The following ALPK1 variants were observed in gnomAD, a reference collection of about 807,000 sequenced individuals.
The protein encoded by ALPK1 is alpha kinase 1.
A neutral mutation model predicts 120.6 loss-of-function variants in ALPK1; 110 were observed. The observed-to-expected ratio is 0.91, with a 90% CI of 0.78 to 1.07. ALPK1 has a LOEUF of 1.07. Ranked by LOEUF, ALPK1 falls within the 50% of genes least tolerant of loss-of-function variation. The pLI is 0.00. For synonymous variants in ALPK1, 582 were observed against 560.3 expected (o/e 1.04, Z -0.55); for missense variants, 1,498 against 1,483.9 (o/e 1.01, Z -0.16).
intron 2 of ALPK1, chr4:112,357,288 C>A: frequency 9.3e-7 from 1 of 1,076,788 alleles, no homozygotes; most frequent in Non-Finnish European, 1.4e-6. Context: ...GCCAACACAG[C>A]CGGACTGCAG....
At chr4:112,362,493 C>T (rs1730957873) in intron 2 of ALPK1, among the ~76,000 whole-genome samples, 1 of 152,024 alleles carries the variant, frequency 6.6e-6, no homozygotes, top group Non-Finnish European at 1.5e-5. Flanking sequence ...AGCTTCAGAG[C>T]TCAAACACAA....
intron 2 of ALPK1, among the ~76,000 whole-genome samples, chr4:112,336,011 C>G (rs1471868657): frequency 6.6e-6 from 1 of 152,146 alleles, no homozygotes; most frequent in Non-Finnish European, 1.5e-5. Context: ...ACCAACCAAC[C>G]AACCAACCAA....
At chr4:112,422,972 T>C (rs1211541502) in intron 5 of ALPK1, among the ~76,000 whole-genome samples, 1 of 152,236 alleles carries the variant, frequency 6.6e-6, no homozygotes, top group African/African-American at 2.4e-5. Context: ...ACAGGGCCAG[T>C]TGTGTTCAAG....
chr4:112,395,061 C>T (rs1031466205), intron 4 of ALPK1, among the ~76,000 whole-genome samples: 2 of 152,122 alleles, frequency 1.3e-5, no homozygotes, highest in Non-Finnish European at 2.9e-5. Context: ...AAAGTGTCAC[C>T]TTTGTATGCA....
chr4:112,434,148 T>C (rs1734693807), intron 11 of ALPK1, among the ~76,000 whole-genome samples: 1 of 152,230 alleles, frequency 6.6e-6, no homozygotes, highest in Admixed American at 6.5e-5. Flanking sequence ...TCTTATTTGT[T>C]ATCGTTTGCT....
At chr4:112,354,759 T>C (rs1197536421) in intron 2 of ALPK1, among the ~76,000 whole-genome samples, 1 of 152,184 alleles carries the variant, frequency 6.6e-6, no homozygotes, top group Admixed American at 6.5e-5. Flanking sequence ...TGAGTCACCA[T>C]GCCTGGACTG....
At chr4:112,422,511 C>T (rs1052189687) in intron 5 of ALPK1, among the ~76,000 whole-genome samples, 2 of 152,162 alleles carry the variant, frequency 1.3e-5, no homozygotes, top group African/African-American at 4.8e-5. Context: ...TCTCAAACTT[C>T]CAGGAACAAT....
At chr4:112,438,890 T>C (rs978160112) in intron 13 of ALPK1, among the ~76,000 whole-genome samples, 2 of 152,202 alleles carry the variant, frequency 1.3e-5, no homozygotes, top group African/African-American at 4.8e-5. Flanking sequence ...AAGTGATTGC[T>C]AAGTCAAAGC....
intron 4 of ALPK1, among the ~76,000 whole-genome samples, chr4:112,402,652 G>A (rs1176862809): frequency 2.0e-5 from 3 of 152,144 alleles, no homozygotes; most frequent in Non-Finnish European, 2.9e-5. Context: ...ATGTGTTTGT[G>A]AGCCTCTCTC....
intron 2 of ALPK1, among the ~76,000 whole-genome samples, chr4:112,330,194 T>G (rs138935578): frequency 6.6e-6 from 1 of 152,344 alleles, no homozygotes; most frequent in Non-Finnish European, 1.5e-5. Flanking sequence ...CAAGCTGGAT[T>G]TGTACATCTT....
chr4:112,311,573 G>C (rs1728401563), intron 1 of ALPK1, among the ~76,000 whole-genome samples: 1 of 152,096 alleles, frequency 6.6e-6, no homozygotes, highest in African/African-American at 2.4e-5. Flanking sequence ...GATCTACTTT[G>C]CCTAAGATGA....
intron 2 of ALPK1, among the ~76,000 whole-genome samples, chr4:112,338,103 A>G (rs1729702516): frequency 6.6e-6 from 1 of 152,056 alleles, no homozygotes; most frequent in African/African-American, 2.4e-5. Context: ...AGTAGCTGGG[A>G]TTACAGACGC....
intron 4 of ALPK1, among the ~76,000 whole-genome samples, chr4:112,397,489 A>T (rs1732701235): frequency 6.6e-6 from 1 of 152,218 alleles, no homozygotes; most frequent in African/African-American, 2.4e-5. Context: ...GCACCAACCA[A>T]TATTTCCATG....
chr4:112,430,653 A>T lies in ALPK1; in HGVS notation c.1106A>T (p.His369Leu), dbSNP rs61747432. Residue 369 changes from histidine to leucine, a missense_variant, in exon 11 of 16, where the codon CAT becomes CTT. Coordinates refer to ENST00000650871, the MANE Select transcript of ALPK1 (RefSeq NM_025144.4). The stretch of plus-strand genomic sequence containing the variant: ...CTCACCACAGTGCACAGAAGGCTCC[A>T]TGGGGAGACAGGGACGGTCCATGCA... Reference protein sequence around the residue: ...FGLTTVHRRLHGETGTVHAAS... With the variant: ...FGLTTVHRRLLGETGTVHAAS... The T allele has an allele frequency of 1.6e-4, 266 of 1,614,196 alleles. No homozygotes were observed. The African/African-American group carries it at 3.0e-3, about 18-fold the overall frequency.
intron 9 of ALPK1, 91 bp downstream of exon 9, chr4:112,427,756 G>A: frequency 1.1e-6 from 1 of 876,776 alleles, no homozygotes; most frequent in Non-Finnish European, 1.9e-6. Context: ...CAGGAGATTG[G>A]GAGGCAGGGA....
intron 1 of ALPK1, among the ~76,000 whole-genome samples, chr4:112,300,343 CATG>C (rs1378015435): frequency 1.3e-5 from 2 of 152,024 alleles, no homozygotes; most frequent in Admixed American, 6.5e-5. Flanking sequence ...TTCTACATAA[CATG>C]ATATTCTTAC....
intron 2 of ALPK1, among the ~76,000 whole-genome samples, chr4:112,348,690 G>T (rs761389487): frequency 5.3e-5 from 8 of 152,238 alleles, no homozygotes; most frequent in Non-Finnish European, 8.8e-5. Context: ...CAAGCCAGTA[G>T]GAGGCTCCCT....
intron 5 of ALPK1, chr4:112,414,266 A>T (rs371916843): frequency 1.0e-5 from 5 of 495,818 alleles, no homozygotes; most frequent in Admixed American, 2.1e-5. Flanking sequence ...CCACCACAGG[A>T]TCCCATCCAG....
At chr4:112,327,727 G>C (rs1030659012) in intron 2 of ALPK1, among the ~76,000 whole-genome samples, 1 of 152,138 alleles carries the variant, frequency 6.6e-6, no homozygotes, top group Non-Finnish European at 1.5e-5. Context: ...TTACAGCTGT[G>C]AGCCACCAGG....
Sources: gnomAD v4.1 joint callset for allele counts (sites outside exome capture counted in the v4.1 genomes callset) on GRCh38, gnomAD v4.1.1 for gene constraint, MANE v1.5 for transcripts, NCBI Gene and HGNC (gene_info 2026-07-23, HGNC 2026-07-21) for gene names.